ZNF416: variants seen among roughly 807,000 people sequenced by gnomAD.
ZNF416 encodes the protein zinc finger protein 416.
Under a neutral mutation model 10.9 loss-of-function variants are expected in ZNF416, and 5 were observed. That is an observed-to-expected ratio of 0.46 (90% CI 0.24 to 0.97). The LOEUF (loss-of-function observed/expected upper bound fraction) is 0.97. Ranked by LOEUF, ZNF416 falls within the 50% of genes least tolerant of loss-of-function variation. The probability of loss-of-function intolerance (pLI) is 0.19; values close to 1 mark genes in which losing one functional copy is unlikely to be tolerated. For synonymous variants in ZNF416, 267 were observed against 251.8 expected, an observed-to-expected ratio of 1.06 and a Z score of -0.57; for missense variants, 675 against 715.0, an observed-to-expected ratio of 0.94 and a Z score of 0.64.
In ZNF416 at chr19:57,573,561, C is replaced by T. The variant is rs763433657; in HGVS notation, c.343G>A (p.Asp115Asn). The T allele has an allele frequency of 6.2e-6, 10 of 1,614,178 alleles. No homozygotes were observed. In the South Asian group the frequency reaches 6.6e-5, roughly 11 times the overall value. Residue 115 changes from aspartate (D) to asparagine (N), a missense_variant, in exon 4 of 4, where the codon GAC becomes AAC. Coordinates refer to ENST00000196489, the MANE Select transcript of ZNF416 (RefSeq NM_017879.3). ...SCDMCVPFLT[D>N]ILHLTDLPGQ... ...GGCAAATCGGTCAGGTGCAAAATGT[C>T]GGTCAGGAATGGGACACACATGTCA...
In ZNF416 at chr19:57,572,941, A is replaced by C; in HGVS notation, c.963T>G (p.Thr321=). 6.2e-7 allele frequency: 1 copy of C among 1,614,084 alleles called. No individual in the cohort carries two copies. Among genetic ancestry groups the C allele is most frequent in the Non-Finnish European group, 8.5e-7 (1 of 1,180,020 alleles). ...CACCACACTCGTAAGGCCTTTCTCC[A>C]GTGTGAACTCTGTGATGTTTAATGA... The part of the protein sequence containing the change: ...ATLIKHHRVH[T]GERPYECGEC... The change falls in exon 4 of 4, where the codon ACT becomes ACG. Residue 321 remains threonine (T), a synonymous_variant. Transcript: ENST00000196489. This position sits in a 1 kb window ranked among gnomAD's most constrained non-coding sequence, Gnocchi z 4.5.
chr19:57,573,501 C>CCG lies in ZNF416; in HGVS notation c.401_402dup (p.Val135ArgfsTer48). The CCG allele has an allele frequency of 6.2e-7, 1 of 1,614,220 alleles. No homozygotes were observed. The highest frequency in any genetic ancestry group is 8.5e-7 in the Non-Finnish European group (1 of 1,180,048). ...TGATGCTTCTGGTCCTGGTGAAAGA[C>CCG]CGCACATGCCCCAGTCAAGTATAGT... On this transcript the variant is annotated frameshift_variant, in exon 4 of 4. Transcript: ENST00000196489. LOFTEE classifies it low-confidence loss of function (END_TRUNC).
In ZNF416 at chr19:57,573,231, T is replaced by G; in HGVS notation, c.673A>C (p.Ser225Arg). 6.2e-7 allele frequency: 1 copy of G among 1,614,270 alleles called. No individual in the cohort carries two copies. The highest frequency in any genetic ancestry group is 1.1e-5 in the South Asian group (1 of 91,088). Residue 225 changes from serine to arginine, a missense_variant, in exon 4 of 4, where the codon AGC becomes CGC. Physicochemically the swap from Ser to Arg is moderately radical, Grantham distance 110 (BLOSUM62 -1). Coordinates refer to ENST00000196489, the MANE Select transcript of ZNF416 (RefSeq NM_017879.3). The stretch of plus-strand genomic sequence containing the variant: ...GGGTGAAAAAAAGTGTGTTTGTGGC[T>G]GGACTCTCTCCTGCATTGACTCCAC... ...YKWSQCRRES[S>R]HKHTFFHPRV... is the part of the protein sequence containing the mutation.
chr19:57,575,246 G>C lies in ZNF416; in HGVS notation c.202+558C>G, dbSNP rs924494294. 2.8e-4 allele frequency among the ~76,000 whole-genome samples: 42 copies of C among 152,096 alleles called. 2 individuals carry two copies. Among genetic ancestry groups the C allele is most frequent in the Non-Finnish European group, 1.5e-5 (1 of 68,030 alleles). On this transcript the variant is annotated intron_variant, in intron 3 of 3. Transcript: ENST00000196489. This position sits in a 1 kb window ranked among gnomAD's most constrained non-coding sequence, Gnocchi z 4.4. ...CATCTTCACCCTTTCCAACAACCAG[G>C]GCTTTCCCACCACCTCTAGATGTGC...
At chr19:57,577,912 G>T in intron 2 of ZNF416, 145 bp downstream of exon 2, 1 of 822,776 alleles carries the variant, frequency 1.2e-6, no homozygotes, top group Non-Finnish European at 2.0e-6. Context: ...CTTCCAGCCT[G>T]GATGTATGAC....
rs1271637411 is a variant in ZNF416, at chr19:57,575,980, C to T, written c.76-50G>A. ...CCATGATCAGATTCTCTCCTAGGAC[C>T]CCAAGTTCATGCCCCCCACACATCC... On this transcript the variant is annotated intron_variant, in intron 2 of 3. Coordinates refer to ENST00000196489, the MANE Select transcript of ZNF416 (RefSeq NM_017879.3). This position sits in a 1 kb window ranked among gnomAD's most constrained non-coding sequence, Gnocchi z 4.4. The T allele has an allele frequency of 5.7e-6, 9 of 1,589,530 alleles. No homozygotes were observed. In the South Asian group the frequency reaches 6.8e-5, roughly 12 times the overall value.
Position 57,578,818 on chromosome 19 carries a change from G to T in ZNF416, c.-114C>A, listed in dbSNP as rs1045944637. 2 of 1,107,506 alleles carry T rather than the reference G, an allele frequency of 1.8e-6. No homozygotes were observed. The highest frequency in any genetic ancestry group is 3.2e-5 in the East Asian group (1 of 31,326). The allele number at this position is 1,107,506 out of a possible 1,614,324, so 68.6% of individuals were successfully genotyped here. A position where few individuals can be genotyped will look rare whatever the true frequency, so the allele number is the denominator to read the frequency against. On this transcript the variant is annotated 5_prime_UTR_variant, in exon 1 of 4. Transcript: ENST00000196489. ...GCTGATGCGCAGCGGGGCGACCCCC[G>T]CTCTGTGCCGGAGGCAGCGTTTCTA...
Position 57,573,264 on chromosome 19 carries a change from G to A in ZNF416, c.640C>T (p.His214Tyr). The change falls in exon 4 of 4, where the codon CAT becomes TAT. Residue 214 changes from histidine to tyrosine, a missense_variant. By Grantham distance (83) the His-to-Tyr change is moderately conservative. Transcript: ENST00000196489. Reference sequence around the variant, plus strand: ...CTCCTGCATTGACTCCACTTGTAATGACTTATTCCAACATGAAAGGCCTCC... The same window carrying A: ...CTCCTGCATTGACTCCACTTGTAATAACTTATTCCAACATGAAAGGCCTCC... ...CEEAFHVGIS[H>Y]YKWSQCRRES... 1 of 1,614,242 alleles carries A rather than the reference G, an allele frequency of 6.2e-7. No homozygotes were observed. Among genetic ancestry groups the A allele is most frequent in the Non-Finnish European group, 8.5e-7 (1 of 1,180,044 alleles).
chr19:57,572,238 C>G lies in ZNF416; in HGVS notation c.1666G>C (p.Gly556Arg). ...CCAGAGTGTTGTGTAAAGGACTTCC[C>G]ACATTTGCCACACTCATATGGCCTT... The part of the protein sequence containing the change: ...GERPYECGKC[G>R]KSFTQHSGLI... Residue 556 changes from glycine to arginine, a missense_variant, in exon 4 of 4, where the codon GGG becomes CGG. By Grantham distance (125) the Gly-to-Arg change is moderately radical. Coordinates refer to ENST00000196489, the MANE Select transcript of ZNF416 (RefSeq NM_017879.3). This position sits in a 1 kb window ranked among gnomAD's most constrained non-coding sequence, Gnocchi z 4.5. 1 of 1,614,218 alleles carries G rather than the reference C, an allele frequency of 6.2e-7. No individual in the cohort carries two copies. The highest frequency in any genetic ancestry group is 1.3e-5 in the African/African-American group (1 of 75,046).
intron 1 of ZNF416, chr19:57,578,403 T>C (rs1158991029): frequency 8.0e-5 from 42 of 524,384 alleles, no homozygotes; most frequent in Non-Finnish European, 1.2e-4. Flanking sequence ...GCTCTCAGCG[T>C]CTTGAAAAGA....
In ZNF416 at chr19:57,575,903, T is replaced by C. The variant is rs1228940072; in HGVS notation, c.103A>G (p.Ile35Val). The C allele has an allele frequency of 6.2e-7, 1 of 1,613,944 alleles. No individual in the cohort carries two copies. Among genetic ancestry groups the C allele is most frequent in the Non-Finnish European group, 8.5e-7 (1 of 1,179,990 alleles). The change falls in exon 3 of 4, where the codon ATT (isoleucine) becomes GTT (valine). Residue 35 changes from isoleucine to valine, a missense_variant. Ile to Val is a conservative substitution (Grantham distance 29, BLOSUM62 3). Coordinates refer to ENST00000196489, the MANE Select transcript of ZNF416 (RefSeq NM_017879.3). The surrounding 1 kb of genome is among the most constrained non-coding windows in gnomAD (Gnocchi z 4.4). ...QGCVTFEDVA[I>V]YFSQEEWGLL... ...CCCCATTCTTCCTGGGAGAAGTAAA[T>C]GGCCACGTCCTCAAAGGTCACACAG...
intron 3 of ZNF416, among the ~76,000 whole-genome samples, chr19:57,574,704 C>T (rs991726678): frequency 2.0e-5 from 3 of 152,104 alleles, no homozygotes; most frequent in African/African-American, 4.8e-5. Flanking sequence ...AAACACAGGA[C>T]GTAAGAATGG....
chr19:57,572,338 G>T lies in ZNF416; in HGVS notation c.1566C>A (p.Tyr522Ter), dbSNP rs75651199. 1.2e-6 allele frequency: 2 copies of T among 1,614,070 alleles called. No individual in the cohort carries two copies. Among genetic ancestry groups the T allele is most frequent in the South Asian group, 1.1e-5 (1 of 91,070 alleles). ...AGGATTTCCCGCACTGTCCACAGTC[G>T]TAAGGCCTTAATCCAGTGTGAATTT... ...HQKIHTGLRP[Y>*]DCGQCGKSFI... is the part of the protein sequence containing the mutation. Residue 522 changes from tyrosine to a stop codon, truncating the protein, a stop_gained, in exon 4 of 4, where the codon TAC becomes TAA. Transcript: ENST00000196489. LOFTEE classifies it low-confidence loss of function (END_TRUNC). This position sits in a 1 kb window ranked among gnomAD's most constrained non-coding sequence, Gnocchi z 4.5.
intron 2 of ZNF416, 77 bp downstream of exon 2, chr19:57,577,980 G>C: frequency 6.6e-7 from 1 of 1,520,764 alleles, no homozygotes; most frequent in Non-Finnish European, 9.1e-7. Flanking sequence ...AGTGCCAAGA[G>C]AAGAGTCCCA....
intron 2 of ZNF416, among the ~76,000 whole-genome samples, chr19:57,577,783 A>G (rs1978596778): frequency 1.3e-5 from 2 of 152,228 alleles, no homozygotes; most frequent in South Asian, 4.1e-4. Flanking sequence ...AAACAGCTGT[A>G]GTTTCCTAAA....
rs1478631846 is a variant in ZNF416, at chr19:57,572,107, G to C, written c.*12C>G. On this transcript the variant is annotated 3_prime_UTR_variant, in exon 4 of 4. Transcript: ENST00000196489. This position sits in a 1 kb window ranked among gnomAD's most constrained non-coding sequence, Gnocchi z 4.5. ...AGGTCTAAGGCTTTTCTCAGGTTTG[G>C]AGTTTCAAGAGTTAAACAATGTTAG... is the stretch of plus-strand genomic sequence containing the variant. The C allele has an allele frequency of 9.4e-6, 15 of 1,602,644 alleles. No homozygotes were observed. Among genetic ancestry groups the C allele is most frequent in the East Asian group, 2.2e-5 (1 of 44,612 alleles).
chr19:57,573,071 G>A lies in ZNF416; in HGVS notation c.833C>T (p.Ser278Phe). The A allele has an allele frequency of 6.2e-7, 1 of 1,614,108 alleles. No individual in the cohort carries two copies. The highest frequency in any genetic ancestry group is 8.5e-7 in the Non-Finnish European group (1 of 1,180,016). The part of the protein sequence containing the change: ...RPYECSECGK[S>F]FSQTSHLNDH... ...ATTCAGATGAGAGGTTTGGCTAAAA[G>A]ATTTCCCACATTCACTGCACTCATA... Residue 278 changes from serine (S) to phenylalanine (F), a missense_variant, in exon 4 of 4, where the codon TCT becomes TTT. By Grantham distance (155) the Ser-to-Phe change is radical (BLOSUM62 -2). Coordinates refer to ENST00000196489, the MANE Select transcript of ZNF416 (RefSeq NM_017879.3).
At chr19:57,578,624 G>C in intron 1 of ZNF416, 48 bp downstream of exon 1, 1 of 1,511,084 alleles carries the variant, frequency 6.6e-7, no homozygotes, top group Non-Finnish European at 8.9e-7. Context: ...CAGGGTGTTG[G>C]ATTTCCGGCG....
rs372474462 is a variant in ZNF416 at position 57,573,740 on chromosome 19, A to G, written c.203-39T>C. On this transcript the variant is annotated intron_variant, in intron 3 of 3. Coordinates refer to ENST00000196489, the MANE Select transcript of ZNF416 (RefSeq NM_017879.3). ...AACACTGATGAAATGCACGTTGACT[A>G]TGATGGGAGTGTATTAGTCATTTAA... The G allele has an allele frequency of 6.9e-6, 11 of 1,585,002 alleles. No homozygotes were observed. The Admixed American group carries it at 1.0e-4, about 15-fold the overall frequency.
Sources: gnomAD v4.1 joint callset for allele counts (sites outside exome capture counted in the v4.1 genomes callset) on GRCh38, gnomAD v4.1.1 for gene constraint, Gnocchi (gnomAD v3.1) non-coding constraint, MANE v1.5 for transcripts, NCBI Gene and HGNC (gene_info 2026-07-23, HGNC 2026-07-21) for gene names.